Variants in ANKRD29 observed in about 807,000 individuals in gnomAD.
The protein encoded by ANKRD29 is ankyrin repeat domain 29, also known as ankyrin repeat domain-containing protein 29.
Under a neutral mutation model 38.0 loss-of-function variants are expected in ANKRD29, and 32 were observed. The ratio of observed to expected loss-of-function variants is 0.84; its 90% confidence interval spans 0.64 to 1.13. ANKRD29 has a LOEUF of 1.13. Among genes scored for constraint, ANKRD29 ranks in the 50% most tolerant of loss-of-function variants. The pLI is 0.00. For synonymous variants in ANKRD29, 135 were observed against 152.4 expected, an observed-to-expected ratio of 0.89 and a Z score of 0.84; for missense variants, 357 against 377.9, an observed-to-expected ratio of 0.94 and a Z score of 0.46.
chr18:23,648,678 T>G (rs1479873415), intron 2 of ANKRD29: 1 of 390,642 alleles, frequency 2.6e-6, no homozygotes, highest in Non-Finnish European at 4.5e-6. Flanking sequence ...GAGGCTTCAA[T>G]TTTTGTTTTC....
intron 1 of ANKRD29, among the ~76,000 whole-genome samples, chr18:23,658,154 C>T (rs2060308465): frequency 3.3e-5 from 5 of 152,102 alleles, no homozygotes. Context: ...ACCTGTAATC[C>T]CAACACTTTG....
In ANKRD29 at chr18:23,611,118, C is replaced by T. The variant is rs11873807; in HGVS notation, c.822+974G>A. On this transcript the variant is annotated intron_variant, in intron 9 of 9. Coordinates refer to ENST00000592179, the MANE Select transcript of ANKRD29 (RefSeq NM_173505.4). Reference sequence around the variant, plus strand: ...ATTCTTATTGTGTACCCACCCACCGCGAAGTTTGGCCTAATTGTAAATGAA... The same window carrying T: ...ATTCTTATTGTGTACCCACCCACCGTGAAGTTTGGCCTAATTGTAAATGAA... 9.1e-3 allele frequency among the ~76,000 whole-genome samples: 1,384 copies of T among 152,278 alleles called. 22 individuals carry two copies. The highest frequency in any genetic ancestry group is 0.035 in the East Asian group (182 of 5,182).
rs2060036892 is a variant in ANKRD29, at chr18:23,638,898, A to T, written c.281T>A (p.Val94Asp). ...FFAAQQGHND[V>D]VRFLFGFGAS... ...TCCAAATCCAAAGAGAAATCTCACG[A>T]CATCATTATGGCCTTGCTGGGCGGC... The change falls in exon 4 of 10, where the codon GTC (valine) becomes GAC (aspartate). Residue 94 changes from valine to aspartate, a missense_variant. Transcript: ENST00000592179. 1 of 1,613,256 alleles carries T rather than the reference A, an allele frequency of 6.2e-7. No individual in the cohort carries two copies. Among genetic ancestry groups the T allele is most frequent in the Non-Finnish European group, 8.5e-7 (1 of 1,179,888 alleles).
Position 23,660,001 on chromosome 18 carries a change from C to G in ANKRD29, c.21+2709G>C, listed in dbSNP as rs148617480. Among the ~76,000 whole-genome samples the G allele has an allele frequency of 1.1e-3, 171 of 152,058 alleles. 1 individual carries two copies. Among genetic ancestry groups the G allele is most frequent in the African/African-American group, 3.7e-3 (154 of 41,490 alleles). ...TGGCACATGCCTGTAATCCCAGCTA[C>G]TCGGGGGGCTGAGGCAGGAGAATTG... is the stretch of plus-strand genomic sequence containing the variant. On this transcript the variant is annotated intron_variant, in intron 1 of 9. Transcript: ENST00000592179.
intron 7 of ANKRD29, among the ~76,000 whole-genome samples, chr18:23,619,141 A>C (rs2059760695): frequency 6.6e-6 from 1 of 152,190 alleles, no homozygotes. Flanking sequence ...GACGGGGTGC[A>C]AGGGGTCTGC....
At chr18:23,642,840 A>T (rs1226915476) in intron 3 of ANKRD29, among the ~76,000 whole-genome samples, 1 of 152,212 alleles carries the variant, frequency 6.6e-6, no homozygotes, top group East Asian at 1.9e-4. Context: ...GCTAAAAATC[A>T]CACCTGAAGG....
chr18:23,604,881 G>A (rs2059556317), intron 9 of ANKRD29, among the ~76,000 whole-genome samples: 1 of 152,110 alleles, frequency 6.6e-6, no homozygotes, highest in African/African-American at 2.4e-5. Context: ...CAGAAGTGCT[G>A]TAGGCATGTT....
rs138249417 is a variant in ANKRD29, at chr18:23,652,302, C to T, written c.22-3109G>A. On this transcript the variant is annotated intron_variant, in intron 1 of 9. Transcript: ENST00000592179. ...TTGCTCAGTGAAGTGGGCACTGGGACGACCCCATTTTACAGATGAGGAAAG... is the reference window on the plus strand; with the variant it reads ...TTGCTCAGTGAAGTGGGCACTGGGATGACCCCATTTTACAGATGAGGAAAG... 1.1e-3 allele frequency among the ~76,000 whole-genome samples: 167 copies of T among 152,286 alleles called. 3 individuals carry two copies. The South Asian group carries it at 0.022, about 20-fold the overall frequency.
At chr18:23,646,749 AGT>A (rs1211997678) in intron 2 of ANKRD29, 1 of 154,006 alleles carries the variant, frequency 6.5e-6, no homozygotes, top group African/African-American at 2.4e-5. Flanking sequence ...GAGACTACAG[AGT>A]TGAGAGTCAG....
intron 9 of ANKRD29, among the ~76,000 whole-genome samples, chr18:23,602,328 G>A (rs1272661919): frequency 4.6e-5 from 7 of 152,058 alleles, no homozygotes; most frequent in African/African-American, 7.2e-5. Context: ...GAGCCACCGC[G>A]CCCGGGCCAG....
At position 23,621,266 on chromosome 18, in the gene ANKRD29, G is replaced by GC. The variant is rs563344751; in HGVS notation, c.529-1638dup. Among the ~76,000 whole-genome samples, 14 of 152,338 alleles carry GC rather than the reference G, an allele frequency of 9.2e-5. No homozygotes were observed. The South Asian group carries it at 2.9e-3, about 32-fold the overall frequency. On this transcript the variant is annotated intron_variant, in intron 6 of 9. Coordinates refer to ENST00000592179, the MANE Select transcript of ANKRD29 (RefSeq NM_173505.4). ...TATAGAATATAAAGTTACATTTTCT[G>GC]CTGCAGTGTGTAATTTCAACCTTAG...
At chr18:23,619,173 G>A (rs927997650) in intron 7 of ANKRD29, among the ~76,000 whole-genome samples, 1 of 152,238 alleles carries the variant, frequency 6.6e-6, no homozygotes, top group South Asian at 2.1e-4. Flanking sequence ...GGAGGGGCAA[G>A]AGGCAGGGCC....
In ANKRD29 at chr18:23,629,659, T is replaced by A. The variant is rs140310735; in HGVS notation, c.528+194A>T. On this transcript the variant is annotated intron_variant, in intron 6 of 9. Transcript: ENST00000592179. ...GAACTGTGATGTCAGCTTGGTTTCA[T>A]AGGCTTTCAGGCCAGCTCAGAGCAT... is the stretch of plus-strand genomic sequence containing the variant. Among the ~76,000 whole-genome samples the A allele has an allele frequency of 1.1e-3, 168 of 152,356 alleles. 1 individual carries two copies. Among genetic ancestry groups the A allele is most frequent in the African/African-American group, 3.8e-3 (159 of 41,580 alleles).
intron 5 of ANKRD29, among the ~76,000 whole-genome samples, chr18:23,633,684 C>A (rs1341027233): frequency 1.3e-5 from 2 of 152,098 alleles, no homozygotes; most frequent in Non-Finnish European, 2.9e-5. Context: ...GATTCTCCTG[C>A]CTCAGCCTCC....
At chr18:23,624,465 T>TCAAAAAAAA (rs2059835155) in intron 6 of ANKRD29, among the ~76,000 whole-genome samples, 1 of 7,228 alleles carries the variant, frequency 1.4e-4, no homozygotes, top group Non-Finnish European at 4.7e-4. Flanking sequence ...AGACTCCATC[T>TCAAAAAAAA]CAAAAAAAAA....
intron 9 of ANKRD29, among the ~76,000 whole-genome samples, chr18:23,602,746 C>G (rs1228827132): frequency 1.3e-5 from 2 of 148,796 alleles, no homozygotes; most frequent in Admixed American, 1.3e-4. Context: ...ATAGTGAAAC[C>G]TCATCTCTAT....
intron 8 of ANKRD29, among the ~76,000 whole-genome samples, chr18:23,617,277 T>G (rs919763752): frequency 1.3e-5 from 2 of 152,084 alleles, no homozygotes; most frequent in Middle Eastern, 6.3e-3. Flanking sequence ...TTTGGCTCTG[T>G]TTTTTAGGTG....
intron 1 of ANKRD29, among the ~76,000 whole-genome samples, chr18:23,653,354 G>A (rs1213911515): frequency 6.6e-5 from 10 of 150,752 alleles, no homozygotes; most frequent in African/African-American, 2.4e-4. Context: ...GGGTTCAAGC[G>A]ATTCTTCTGC....
intron 9 of ANKRD29, among the ~76,000 whole-genome samples, chr18:23,609,863 T>C (rs1215552991): frequency 6.6e-6 from 1 of 152,168 alleles, no homozygotes; most frequent in Non-Finnish European, 1.5e-5. Flanking sequence ...GGCCAGCTAA[T>C]GGAAAACAAA....
Sources: gnomAD v4.1 joint callset for allele counts (sites outside exome capture counted in the v4.1 genomes callset) on GRCh38, gnomAD v4.1.1 for gene constraint, MANE v1.5 for transcripts, NCBI Gene and HGNC (gene_info 2026-07-23, HGNC 2026-07-21) for gene names.